The following ELP4 variants were observed in gnomAD, a reference collection of about 807,000 sequenced individuals.
ELP4 encodes elongator acetyltransferase complex subunit 4.
In ELP4, 51 loss-of-function variants were observed where a neutral mutation model predicts 48.9. The observed-to-expected ratio is 1.04, with a 90% confidence interval of 0.83 to 1.32. The LOEUF (loss-of-function observed/expected upper bound fraction) is 1.32. Ranked by LOEUF, ELP4 falls within the 40% of genes most tolerant of loss-of-function variation. The pLI is 0.00. For synonymous variants in ELP4, 210 were observed against 189.2 expected (o/e 1.11, Z -0.90); for missense variants, 519 against 514.6 (o/e 1.01, Z -0.08).
At chr11:31,760,612 A>G (rs938963687) in intron 9 of ELP4, among the ~76,000 whole-genome samples, 1 of 152,210 alleles carries the variant, frequency 6.6e-6, no homozygotes, top group Non-Finnish European at 1.5e-5. Flanking sequence ...CCACTTAAGT[A>G]TAAGTTAAAT....
Position 31,578,221 on chromosome 11 carries a change from AT to A in ELP4, c.382-16548del, listed in dbSNP as rs1957320072. Among the ~76,000 whole-genome samples the A allele has an allele frequency of 3.3e-5, 5 of 152,320 alleles. No individual in the cohort carries two copies. The South Asian group carries it at 1.0e-3, about 32-fold the overall frequency. ...TTCAAAGAGAATAAAATACCTAGGA[AT>A]CCACCTTACAAGGGATGTGAAGGAC... On this transcript the variant is annotated intron_variant, in intron 3 of 9. Coordinates refer to ENST00000640961, the MANE Select transcript of ELP4 (RefSeq NM_019040.5).
At chr11:31,511,196 A>T (rs1955995702) in intron 1 of ELP4, 1 of 152,190 alleles carries the variant, frequency 6.6e-6, no homozygotes, top group African/African-American at 2.4e-5. Context: ...GTTGCATGGT[A>T]CTGTAAATAG....
At chr11:31,695,284 G>T (rs1274533065) in intron 9 of ELP4, among the ~76,000 whole-genome samples, 1 of 152,116 alleles carries the variant, frequency 6.6e-6, no homozygotes, top group African/African-American at 2.4e-5. Context: ...TATGTTATTG[G>T]CTGTGGGTTT....
At chr11:31,624,063 G>T (rs1324736299) in intron 5 of ELP4, among the ~76,000 whole-genome samples, 9 of 151,710 alleles carry the variant, frequency 5.9e-5, no homozygotes, top group Non-Finnish European at 1.3e-4. Flanking sequence ...AAAAGTGTTG[G>T]AGATGATATG....
chr11:31,567,204 A>ATTACT (rs1342454601), intron 3 of ELP4, among the ~76,000 whole-genome samples: 2 of 152,174 alleles, frequency 1.3e-5, no homozygotes, highest in African/African-American at 4.8e-5. Context: ...AAGTGCTGGG[A>ATTACT]TTACAGGCGT....
At chr11:31,672,235 C>G (rs1202405484) in intron 9 of ELP4, among the ~76,000 whole-genome samples, 1 of 152,152 alleles carries the variant, frequency 6.6e-6, no homozygotes, top group Non-Finnish European at 1.5e-5. Context: ...GTACTCTATA[C>G]TGAGTATTAT....
At chr11:31,520,690 A>G (rs1392276588) in intron 2 of ELP4, among the ~76,000 whole-genome samples, 1 of 152,058 alleles carries the variant, frequency 6.6e-6, no homozygotes, top group Non-Finnish European at 1.5e-5. Flanking sequence ...TAACATATCT[A>G]TTGTTCCTAC....
At chr11:31,727,155 G>T (rs1268788832) in intron 9 of ELP4, among the ~76,000 whole-genome samples, 2 of 145,306 alleles carry the variant, frequency 1.4e-5, no homozygotes, top group Non-Finnish European at 3.0e-5. Flanking sequence ...TATTTTTACA[G>T]TTTTTTTTTT....
chr11:31,676,491 A>G (rs981735465), intron 9 of ELP4, among the ~76,000 whole-genome samples: 1 of 152,180 alleles, frequency 6.6e-6, no homozygotes, highest in Non-Finnish European at 1.5e-5. Flanking sequence ...TGTACATTCC[A>G]TTCTGTTTAG....
chr11:31,533,675 A>G (rs1434108422), intron 2 of ELP4, among the ~76,000 whole-genome samples: 1 of 151,696 alleles, frequency 6.6e-6, no homozygotes, highest in Non-Finnish European at 1.5e-5. Context: ...GGCATGAGCC[A>G]CCGCGCCCGG....
At position 31,771,708 on chromosome 11, in the gene ELP4, A is replaced by G. The variant is rs12799222; in HGVS notation, c.1144-11685A>G. Among the ~76,000 whole-genome samples, 1,163 of 152,264 alleles carry G rather than the reference A, an allele frequency of 7.6e-3. 12 individuals are homozygous for G. The highest frequency in any genetic ancestry group is 0.026 in the African/African-American group (1,090 of 41,540). ...AATTTAGGTCTTAGTGGCCGGGCTC[A>G]GTGGCTCACGCCTGTAATCCCAGCA... On this transcript the variant is annotated intron_variant, in intron 9 of 9. Coordinates refer to ENST00000640961, the MANE Select transcript of ELP4 (RefSeq NM_019040.5).
chr11:31,595,767 G>A (rs949990462), intron 4 of ELP4, among the ~76,000 whole-genome samples: 1 of 152,042 alleles, frequency 6.6e-6, no homozygotes, highest in Admixed American at 6.6e-5. Flanking sequence ...CTGGGTAGCC[G>A]CTACCACTAA....
chr11:31,650,285 C>G lies in ELP4; in HGVS notation c.1143+64C>G, dbSNP rs561147498. On this transcript the variant is annotated intron_variant, in intron 9 of 9. Coordinates refer to ENST00000640961, the MANE Select transcript of ELP4 (RefSeq NM_019040.5). Reference sequence around the variant, plus strand: ...TAAACTTATTTTTAACTTATTTTTACTTTATTTTATTTTCATTTTCACTTA... The same window carrying G: ...TAAACTTATTTTTAACTTATTTTTAGTTTATTTTATTTTCATTTTCACTTA... 9 of 541,154 alleles carry G rather than the reference C, an allele frequency of 1.7e-5. No homozygotes were observed. The South Asian group carries it at 2.9e-4, about 17-fold the overall frequency. 33.5% of individuals were successfully genotyped at this position (541,154 alleles called of 1,614,324 possible).
chr11:31,686,387 C>A (rs1946161831), intron 9 of ELP4, among the ~76,000 whole-genome samples: 1 of 138,080 alleles, frequency 7.2e-6, no homozygotes, highest in Non-Finnish European at 1.5e-5. Context: ...TAAGTACAAA[C>A]ATATTCACTA....
At chr11:31,556,224 A>C (rs1956927787) in intron 3 of ELP4, among the ~76,000 whole-genome samples, 1 of 151,900 alleles carries the variant, frequency 6.6e-6, no homozygotes, top group Non-Finnish European at 1.5e-5. Flanking sequence ...TACACCCCTT[A>C]GAAAATCATA....
At chr11:31,748,033 A>C (rs1388656914) in intron 9 of ELP4, among the ~76,000 whole-genome samples, 1 of 152,212 alleles carries the variant, frequency 6.6e-6, no homozygotes, top group African/African-American at 2.4e-5. Flanking sequence ...CTCTTATAAG[A>C]ATATGCAAAA....
At chr11:31,708,180 T>G (rs1259812974) in intron 9 of ELP4, among the ~76,000 whole-genome samples, 2 of 152,168 alleles carry the variant, frequency 1.3e-5, no homozygotes, top group African/African-American at 4.8e-5. Context: ...AATAATTCCT[T>G]TTCAGCTCCC....
intron 7 of ELP4, among the ~76,000 whole-genome samples, chr11:31,643,650 A>T (rs1323867357): frequency 6.6e-6 from 1 of 151,876 alleles, no homozygotes; most frequent in Non-Finnish European, 1.5e-5. Flanking sequence ...AACAAAATTC[A>T]TAGTTTTGAC....
At chr11:31,628,426 G>A (rs1944792074) in intron 6 of ELP4, 1 of 116,114 alleles carries the variant, frequency 8.6e-6, no homozygotes, top group South Asian at 3.2e-4. Flanking sequence ...AAAGGTAATA[G>A]CAAAAGGAAT....
Sources: gnomAD v4.1 joint callset for allele counts (sites outside exome capture counted in the v4.1 genomes callset) on GRCh38, gnomAD v4.1.1 for gene constraint, MANE v1.5 for transcripts, NCBI Gene and HGNC (gene_info 2026-07-23, HGNC 2026-07-21) for gene names.